The following PXK variants were observed in gnomAD, a reference collection of about 807,000 sequenced individuals.
PXK encodes PX domain containing serine/threonine kinase like, also known as PX domain-containing protein kinase-like protein.
In PXK, 35 loss-of-function variants were observed where a neutral mutation model predicts 84.7. The ratio of observed to expected loss-of-function variants is 0.41; its 90% CI spans 0.32 to 0.55. PXK has a LOEUF of 0.55. Ranked by LOEUF, PXK falls within the 20% of genes least tolerant of loss-of-function variation. PXK has a pLI of 0.21. For synonymous variants in PXK, 253 were observed against 260.8 expected (o/e 0.97, Z 0.29); for missense variants, 634 against 699.7 (o/e 0.91, Z 1.06).
At chr3:58,336,071 A>ATATATC (rs1284780630) in intron 1 of PXK, among the ~76,000 whole-genome samples, 1 of 51,572 alleles carries the variant, frequency 1.9e-5, no homozygotes, top group African/African-American at 1.0e-4. Flanking sequence ...ATATATATAT[A>ATATATC]TTTTTTTTTT....
chr3:58,415,742 A>G (rs2060857326), intron 17 of PXK, among the ~76,000 whole-genome samples: 1 of 152,258 alleles, frequency 6.6e-6, no homozygotes, highest in Non-Finnish European at 1.5e-5. Flanking sequence ...AGTGCTGTGC[A>G]AGGAGGACCA....
intron 17 of PXK, among the ~76,000 whole-genome samples, chr3:58,419,827 A>T (rs953416765): frequency 1.3e-5 from 2 of 152,218 alleles, no homozygotes; most frequent in Non-Finnish European, 2.9e-5. Flanking sequence ...GATCCTTCAC[A>T]TTTAGCTGGG....
At chr3:58,404,595 CAT>C (rs1469711892) in intron 13 of PXK, among the ~76,000 whole-genome samples, 4 of 152,140 alleles carry the variant, frequency 2.6e-5, no homozygotes, top group African/African-American at 4.8e-5. Context: ...TGCATGTACT[CAT>C]GTGTAAAATT....
At chr3:58,338,899 T>A (rs899254809) in intron 1 of PXK, among the ~76,000 whole-genome samples, 33 of 151,974 alleles carry the variant, frequency 2.2e-4, no homozygotes, top group African/African-American at 8.0e-4. Flanking sequence ...GCCAGGCTGG[T>A]CTTGAACTCC....
At chr3:58,354,792 G>T (rs558953249) in intron 1 of PXK, among the ~76,000 whole-genome samples, 29 of 152,138 alleles carry the variant, frequency 1.9e-4, no homozygotes, top group Non-Finnish European at 3.2e-4. Context: ...ACCCCTGGCT[G>T]CACATTAGTA....
At chr3:58,406,193 A>C (rs1203041008) in intron 13 of PXK, among the ~76,000 whole-genome samples, 1 of 152,090 alleles carries the variant, frequency 6.6e-6, no homozygotes, top group Non-Finnish European at 1.5e-5. Flanking sequence ...TCTCGACCTC[A>C]GGTGAACCAC....
At chr3:58,381,097 A>G (rs1356710791) in intron 3 of PXK, among the ~76,000 whole-genome samples, 1 of 151,828 alleles carries the variant, frequency 6.6e-6, no homozygotes, top group Non-Finnish European at 1.5e-5. Flanking sequence ...AAATACGAAA[A>G]TATTAGCTGG....
rs2098528392 is a variant in PXK, at chr3:58,383,904, CT to C, written c.388+1208del. ...AGGCATTTTTATTCCTATTTTATTC[CT>C]TTTATTTATTTATTCATACCCATTC... On this transcript the variant is annotated intron_variant, in intron 4 of 17. Transcript: ENST00000356151. The surrounding 1 kb of genome is among the most constrained non-coding windows in gnomAD (Gnocchi z 4.0). Among the ~76,000 whole-genome samples the C allele has an allele frequency of 6.6e-6, 1 of 152,032 alleles. No homozygotes were observed. The highest frequency in any genetic ancestry group is 2.1e-4 in the South Asian group (1 of 4,830).
rs920316888 is a variant in PXK, at chr3:58,399,021, T to C, written c.1103-278T>C. On this transcript the variant is annotated intron_variant, in intron 11 of 17. Coordinates refer to ENST00000356151, the MANE Select transcript of PXK (RefSeq NM_017771.5). This position sits in a 1 kb window ranked among gnomAD's most constrained non-coding sequence, Gnocchi z 4.3. Reference sequence around the variant, plus strand: ...TCTTTCAAGAGAACAAACACTTTTATGAATGATATCTTGAATCCTTCCTCC... The same window carrying C: ...TCTTTCAAGAGAACAAACACTTTTACGAATGATATCTTGAATCCTTCCTCC... Among the ~76,000 whole-genome samples the C allele has an allele frequency of 1.8e-4, 28 of 152,264 alleles. No homozygotes were observed. Among genetic ancestry groups the C allele is most frequent in the African/African-American group, 6.5e-4 (27 of 41,472 alleles).
intron 1 of PXK, among the ~76,000 whole-genome samples, chr3:58,346,192 T>C (rs1559868101): frequency 6.6e-6 from 1 of 152,162 alleles, no homozygotes; most frequent in Non-Finnish European, 1.5e-5. Flanking sequence ...TGGGGCCTCT[T>C]GGATGCCAGG....
rs759258056 is a variant in PXK at position 58,391,134 on chromosome 3, G to A, written c.467-13G>A. The A allele has an allele frequency of 6.2e-7, 1 of 1,602,510 alleles. No homozygotes were observed. The highest frequency in any genetic ancestry group is 8.5e-7 in the Non-Finnish European group (1 of 1,170,718). On this transcript the variant is annotated splice_polypyrimidine_tract_variant and intron_variant, in intron 5 of 17. Transcript: ENST00000356151. ...ATTGTGCAGCTCTAAGCACATTTTT[G>A]CTTTTATGGCAGGTTGGAGAATAAG...
chr3:58,337,711 C>T (rs1335875780), intron 1 of PXK, among the ~76,000 whole-genome samples: 1 of 152,104 alleles, frequency 6.6e-6, no homozygotes, highest in Non-Finnish European at 1.5e-5. Flanking sequence ...TTCAAGTGAT[C>T]CTCCTGCCTC....
At position 58,340,593 on chromosome 3, in the gene PXK, G is replaced by A. The variant is rs550198266; in HGVS notation, c.102+7503G>A. On this transcript the variant is annotated intron_variant, in intron 1 of 17. Coordinates refer to ENST00000356151, the MANE Select transcript of PXK (RefSeq NM_017771.5). ...AATACAAAATTAGCCAGGCGTGGTGGCGCATGCCTGTAATCCCAGCTACTC... is the reference window on the plus strand; with the variant it reads ...AATACAAAATTAGCCAGGCGTGGTGACGCATGCCTGTAATCCCAGCTACTC... Among the ~76,000 whole-genome samples, 288 of 152,186 alleles carry A rather than the reference G, an allele frequency of 1.9e-3. 2 individuals carry two copies. Among genetic ancestry groups the A allele is most frequent in the Non-Finnish European group, 3.7e-3 (252 of 67,998 alleles).
In PXK at chr3:58,414,043, G is replaced by A. The variant is rs2060607349; in HGVS notation, c.1528+1080G>A. On this transcript the variant is annotated intron_variant, in intron 17 of 17. Coordinates refer to ENST00000356151, the MANE Select transcript of PXK (RefSeq NM_017771.5). This position sits in a 1 kb window ranked among gnomAD's most constrained non-coding sequence, Gnocchi z 4.5. ...GGGTAGCAAAGTACCTGGTCCATGG[G>A]AGGATATTCTTGTCCTTATCTTTGT... 6.6e-6 allele frequency: 1 copy of A among 152,138 alleles called. No homozygotes were observed. Among genetic ancestry groups the A allele is most frequent in the Non-Finnish European group, 1.5e-5 (1 of 68,020 alleles). The allele number at this position is 152,138 out of a possible 1,614,324, so 9.4% of individuals were successfully genotyped here.
chr3:58,350,620 T>C (rs1025732190), intron 1 of PXK, among the ~76,000 whole-genome samples: 1 of 152,178 alleles, frequency 6.6e-6, no homozygotes, highest in African/African-American at 2.4e-5. Context: ...TGGTGCGCCC[T>C]TGTTTAAGGC....
intron 17 of PXK, chr3:58,420,875 A>C: frequency 8.4e-7 from 1 of 1,189,126 alleles, no homozygotes; most frequent in Non-Finnish European, 1.0e-6. Flanking sequence ...TTAATTTTGG[A>C]AACCATAACT....
intron 17 of PXK, chr3:58,423,495 G>A: frequency 1.3e-6 from 2 of 1,534,496 alleles, no homozygotes; most frequent in Non-Finnish European, 1.7e-6. Context: ...GTAAAGAAAG[G>A]TAAGTGATTT....
Position 58,376,095 on chromosome 3 carries a change from G to C in PXK, c.202-6419G>C, listed in dbSNP as rs147772648. Reference sequence around the variant, plus strand: ...CTGATGTTTTTGTGACCAGAAATATGCTGGAGGAAGTTAATTCTTGTTTAT... The same window carrying C: ...CTGATGTTTTTGTGACCAGAAATATCCTGGAGGAAGTTAATTCTTGTTTAT... On this transcript the variant is annotated intron_variant, in intron 3 of 17. Transcript: ENST00000356151. Among the ~76,000 whole-genome samples the C allele has an allele frequency of 9.5e-3, 1,440 of 152,292 alleles. 28 individuals are homozygous for C. Among genetic ancestry groups the C allele is most frequent in the African/African-American group, 0.033 (1,368 of 41,560 alleles).
In PXK at chr3:58,332,920, G is replaced by T; in HGVS notation, c.-69G>T. The T allele has an allele frequency of 2.0e-6, 2 of 1,024,420 alleles. No individual in the cohort carries two copies. The highest frequency in any genetic ancestry group is 1.3e-6 in the Non-Finnish European group (1 of 797,442). 63.5% of individuals were successfully genotyped at this position (1,024,420 alleles called of 1,614,324 possible). A position where few individuals can be genotyped will look rare whatever the true frequency, so the allele number is the denominator to read the frequency against. On this transcript the variant is annotated 5_prime_UTR_variant, in exon 1 of 18. Coordinates refer to ENST00000356151, the MANE Select transcript of PXK (RefSeq NM_017771.5). The surrounding 1 kb of genome is among the most constrained non-coding windows in gnomAD (Gnocchi z 5.6). ...GACAGCGGCGGCGGTGGAACCGGGCGGGCGGCGGGAGTCGGCGCCTCGGGT... is the reference window on the plus strand; with the variant it reads ...GACAGCGGCGGCGGTGGAACCGGGCTGGCGGCGGGAGTCGGCGCCTCGGGT...
Sources: gnomAD v4.1 joint callset for allele counts (sites outside exome capture counted in the v4.1 genomes callset) on GRCh38, gnomAD v4.1.1 for gene constraint, Gnocchi (gnomAD v3.1) non-coding constraint, MANE v1.5 for transcripts, NCBI Gene and HGNC (gene_info 2026-07-23, HGNC 2026-07-21) for gene names.